SEC31A: variants seen among roughly 807,000 people sequenced by gnomAD.
SEC31A encodes SEC31 homolog A, COPII component, also known as protein transport protein Sec31A.
Under a neutral mutation model 151.0 loss-of-function variants are expected in SEC31A, and 70 were observed. The observed-to-expected ratio is 0.46, with a 90% confidence interval of 0.38 to 0.57. The LOEUF (loss-of-function observed/expected upper bound fraction) is 0.57, where lower values mean the gene tolerates loss of function less well. Ranked by LOEUF, SEC31A falls within the 20% of genes least tolerant of loss-of-function variation. The pLI is 0.00. For synonymous variants in SEC31A, 475 were observed against 505.9 expected, an observed-to-expected ratio of 0.94 and a Z score of 0.82; for missense variants, 1,330 against 1,471.2, an observed-to-expected ratio of 0.90 and a Z score of 1.57.
intron 2 of SEC31A, 25 bp from the exon 3 acceptor site, chr4:82,880,947 C>G (rs751148060): frequency 1.1e-5 from 17 of 1,564,630 alleles, no homozygotes; most frequent in Middle Eastern, 1.7e-4. Flanking sequence ...TTTATGGTAA[C>G]TATACACACA....
chr4:82,829,281 C>T (rs1413490488), intron 22 of SEC31A: 2 of 440,644 alleles, frequency 4.5e-6, no homozygotes, highest in East Asian at 6.4e-5. Context: ...TATCTTGACA[C>T]TGTTTCCATT....
rs201422204 is a variant in SEC31A, at chr4:82,864,565, T to C, written c.1231A>G (p.Arg411Gly). 1 of 1,614,084 alleles carries C rather than the reference T, an allele frequency of 6.2e-7. No individual in the cohort carries two copies. Among genetic ancestry groups the C allele is most frequent in the Non-Finnish European group, 8.5e-7 (1 of 1,180,004 alleles). The change falls in exon 11 of 27, where the codon AGA becomes GGA. Residue 411 changes from arginine to glycine, a missense_variant. Physicochemically the swap from Arg to Gly is moderately radical, Grantham distance 125. Transcript: ENST00000395310. ...TCAGCTCCCTGATGAGAAGGCATTC[T>C]GACATTCTCAAACGTAACCAGTTTG... ...GGKLVTFENV[R>G]MPSHQGAEQQ...
At chr4:82,821,004 G>T (rs748219050) in intron 26 of SEC31A, 33 bp downstream of exon 26, 4 of 1,563,016 alleles carry the variant, frequency 2.6e-6, no homozygotes, top group Non-Finnish European at 3.5e-6. Flanking sequence ...AGGAATAAAT[G>T]ATTATCATAA....
At chr4:82,846,403 A>ATAATAC (rs1393937598) in intron 20 of SEC31A, among the ~76,000 whole-genome samples, 1 of 148,316 alleles carries the variant, frequency 6.7e-6, no homozygotes, top group African/African-American at 2.5e-5. Flanking sequence ...AATAATAATA[A>ATAATAC]TACAATTGAC....
chr4:82,833,677 G>T (rs1333513924), intron 22 of SEC31A, among the ~76,000 whole-genome samples: 1 of 152,012 alleles, frequency 6.6e-6, no homozygotes, highest in Admixed American at 6.5e-5. Context: ...AAATACTTAG[G>T]GTCAGGACAG....
intron 2 of SEC31A, among the ~76,000 whole-genome samples, 159 bp downstream of exon 2, chr4:82,881,699 G>A (rs144682978): frequency 6.1e-4 from 93 of 152,280 alleles, no homozygotes; most frequent in African/African-American, 2.1e-3. Context: ...AAATGCTATG[G>A]GAACACAGAG....
rs750629268 is a variant in SEC31A, at chr4:82,827,403, C to A, written c.3257G>T (p.Gly1086Val). 1 of 1,614,202 alleles carries A rather than the reference C, an allele frequency of 6.2e-7. No individual in the cohort carries two copies. The highest frequency in any genetic ancestry group is 1.1e-5 in the South Asian group (1 of 91,082). The change falls in exon 24 of 27, where the codon GGT becomes GTT. Residue 1086 changes from glycine to valine, a missense_variant. Physicochemically the swap from Gly to Val is moderately radical, Grantham distance 109. Transcript: ENST00000395310. The stretch of plus-strand genomic sequence containing the variant: ...ATTTCCAATAGGAGCCCCTGGGGCA[C>A]CTTCAATATTGGGCTTTGAAAAAGA... ...PPSFSKPNIEGAPGAPIGNTF... is the reference protein window; with the variant it reads ...PPSFSKPNIEVAPGAPIGNTF...
intron 1 of SEC31A, among the ~76,000 whole-genome samples, chr4:82,888,385 CATATAT>C (rs773097915): frequency 0.5 from 60,828 of 122,400 alleles, 19,113 homozygotes; most frequent in Admixed American, 0.64. Context: ...ACACAAAAAA[CATATAT>C]ATATATACAC....
chr4:82,898,636 A>G (rs1397411335), intron 3 of SEC31A, among the ~76,000 whole-genome samples: 1 of 152,212 alleles, frequency 6.6e-6, no homozygotes, highest in Non-Finnish European at 1.5e-5. Context: ...AGTACTTTCA[A>G]CTCTACCTTA....
chr4:82,835,737 G>A (rs1260649854), intron 22 of SEC31A, among the ~76,000 whole-genome samples: 2 of 152,162 alleles, frequency 1.3e-5, no homozygotes, highest in Admixed American at 6.5e-5. Flanking sequence ...AGAGGTTGCA[G>A]TGAGTCGAGA....
chr4:82,845,985 TG>T (rs1436883140), intron 20 of SEC31A, among the ~76,000 whole-genome samples: 1 of 151,982 alleles, frequency 6.6e-6, no homozygotes, highest in Non-Finnish European at 1.5e-5. Context: ...TAGAGGCCAT[TG>T]TTTTTTTGTT....
At chr4:82,838,884 CCTAT>C (rs1464294252) in intron 22 of SEC31A, among the ~76,000 whole-genome samples, 4 of 152,148 alleles carry the variant, frequency 2.6e-5, no homozygotes, top group Admixed American at 6.6e-5. Context: ...GAAAGTCTCT[CCTAT>C]CTGTCAGAAA....
chr4:82,822,968 C>G (rs1030498714), intron 25 of SEC31A, among the ~76,000 whole-genome samples: 1 of 151,404 alleles, frequency 6.6e-6, no homozygotes, highest in African/African-American at 2.4e-5. Flanking sequence ...AGTGAAACTC[C>G]GTCTCAAAAA....
chr4:82,821,384 TA>T, intron 25 of SEC31A: 1 of 258,522 alleles, frequency 3.9e-6, no homozygotes, highest in Non-Finnish European at 7.3e-6. Context: ...CTGTCTCTAC[TA>T]AAAATACAAA....
In SEC31A at chr4:82,859,818, G is replaced by T. The variant is rs766143778; in HGVS notation, c.1626+1813C>A. 1.1e-3 allele frequency among the ~76,000 whole-genome samples: 156 copies of T among 148,252 alleles called. 1 individual carries two copies. The highest frequency in any genetic ancestry group is 7.0e-3 in the Middle Eastern group (2 of 286). On this transcript the variant is annotated intron_variant, in intron 14 of 26. Coordinates refer to ENST00000395310, the MANE Select transcript of SEC31A (RefSeq NM_001077207.4). ...TTTTTTTTTTTTTTTTTGAGACAGG[G>T]TCTCGCTCTGTCGCCCAGGCTGGAG...
At chr4:82,852,947 G>A (rs984005880) in intron 18 of SEC31A, among the ~76,000 whole-genome samples, 8 of 152,238 alleles carry the variant, frequency 5.3e-5, no homozygotes, top group Middle Eastern at 3.4e-3. Context: ...ACCTAGATCC[G>A]TTGCATGCAC....
At position 82,818,988 on chromosome 4, in the gene SEC31A, GA is replaced by G. The variant is rs1722764963; in HGVS notation, c.*85del. On this transcript the variant is annotated 3_prime_UTR_variant, in exon 27 of 27. Transcript: ENST00000395310. ...CTGGTTGCTATGCAAACATGCTAAT[GA>G]GGACTAGTCCATGTCTTATAATTTT... is the stretch of plus-strand genomic sequence containing the variant. 2.8e-6 allele frequency: 3 copies of G among 1,066,438 alleles called. No individual in the cohort carries two copies. Among genetic ancestry groups the G allele is most frequent in the African/African-American group, 3.2e-5 (2 of 62,782 alleles). 66.1% of individuals were successfully genotyped at this position (1,066,438 alleles called of 1,614,324 possible).
intron 20 of SEC31A, among the ~76,000 whole-genome samples, chr4:82,846,366 C>CATCATAATAACA (rs1553928443): frequency 7.1e-6 from 1 of 140,546 alleles, no homozygotes; most frequent in African/African-American, 2.6e-5. Context: ...AACTCCAAAA[C>CATCATAATAACA]ATAATAATAA....
intron 1 of SEC31A, among the ~76,000 whole-genome samples, chr4:82,889,551 A>AAG (rs1331893396): frequency 2.0e-5 from 3 of 151,196 alleles, no homozygotes; most frequent in Admixed American, 1.3e-4. Context: ...TGTCTCAAAA[A>AAG]AAAAAAAAAA....
Sources: gnomAD v4.1 joint callset for allele counts (sites outside exome capture counted in the v4.1 genomes callset) on GRCh38, gnomAD v4.1.1 for gene constraint, MANE v1.5 for transcripts, NCBI Gene and HGNC (gene_info 2026-07-23, HGNC 2026-07-21) for gene names.